Variants in PTK2 observed in about 807,000 individuals in gnomAD.
PTK2 encodes protein tyrosine kinase 2, also known as focal adhesion kinase 1.
PTK2 carries 45 observed loss-of-function variants against 150.1 expected under a neutral mutation model. That is an observed-to-expected ratio of 0.30 (90% CI 0.24 to 0.38). The LOEUF is 0.38. Among genes scored for constraint, PTK2 ranks in the 10% least tolerant of loss-of-function variants. The probability of loss-of-function intolerance (pLI) is 1.00; values close to 1 mark genes in which losing one functional copy is unlikely to be tolerated. For synonymous variants in PTK2, 432 were observed against 449.2 expected, an observed-to-expected ratio of 0.96 and a Z score of 0.48; for missense variants, 919 against 1,307.3, an observed-to-expected ratio of 0.70 and a Z score of 4.58.
chr8:140,806,172 A>T (rs1464218410), intron 10 of PTK2, among the ~76,000 whole-genome samples: 1 of 152,206 alleles, frequency 6.6e-6, no homozygotes, highest in Non-Finnish European at 1.5e-5. Context: ...TCTAGAAACA[A>T]AGTCTGTTTA....
At chr8:140,888,105 C>A (rs193213069) in intron 3 of PTK2, among the ~76,000 whole-genome samples, 1 of 152,262 alleles carries the variant, frequency 6.6e-6, no homozygotes, top group African/African-American at 2.4e-5. Flanking sequence ...AAATCTAAAT[C>A]CTACAATCCC....
intron 1 of PTK2, among the ~76,000 whole-genome samples, chr8:140,931,718 T>A (rs2100171843): frequency 6.6e-6 from 1 of 152,058 alleles, no homozygotes; most frequent in Non-Finnish European, 1.5e-5. Context: ...GAGGATCACT[T>A]GAGCCCAGGA....
At chr8:140,932,594 C>A (rs940448278) in intron 1 of PTK2, among the ~76,000 whole-genome samples, 1 of 152,180 alleles carries the variant, frequency 6.6e-6, no homozygotes, top group Admixed American at 6.5e-5. Context: ...GTAATTTTTA[C>A]ACTGGACCAG....
At chr8:140,674,350 C>T in exon 29 of PTK2, 1 of 1,607,962 alleles carries the variant, frequency 6.2e-7, no homozygotes, top group Non-Finnish European at 8.5e-7. Context: ...GGCAAGGCTT[C>T]CCAGATGACC....
At chr8:140,832,259 T>C (rs775281637) in intron 7 of PTK2, among the ~76,000 whole-genome samples, 13 of 152,168 alleles carry the variant, frequency 8.5e-5, no homozygotes. Context: ...CTCACCATGT[T>C]GGCCAGGCTG....
intron 3 of PTK2, among the ~76,000 whole-genome samples, chr8:140,883,455 T>A (rs931813454): frequency 6.6e-6 from 1 of 152,196 alleles, no homozygotes; most frequent in Non-Finnish European, 1.5e-5. Context: ...GCAACACACA[T>A]TGTTGACACT....
chr8:140,684,715 C>A (rs913114999), intron 27 of PTK2, among the ~76,000 whole-genome samples: 1 of 152,042 alleles, frequency 6.6e-6, no homozygotes, highest in Non-Finnish European at 1.5e-5. Context: ...AGAGATGACA[C>A]GAACAAATGG....
At chr8:140,924,293 T>A (rs2100168637) in intron 2 of PTK2, among the ~76,000 whole-genome samples, 1 of 152,194 alleles carries the variant, frequency 6.6e-6, no homozygotes, top group South Asian at 2.1e-4. Flanking sequence ...CCACCCTGTC[T>A]GAAACTGCAT....
At chr8:140,832,615 T>G (rs770454315) in intron 7 of PTK2, among the ~76,000 whole-genome samples, 2 of 152,084 alleles carry the variant, frequency 1.3e-5, no homozygotes, top group Non-Finnish European at 2.9e-5. Flanking sequence ...GAGGGAGGCA[T>G]GGCCTGACCT....
Position 140,789,543 on chromosome 8 carries a change from CA to C in PTK2, c.1125-18del, listed in dbSNP as rs2100087199. On this transcript the variant is annotated intron_variant, in intron 13 of 31. Transcript: ENST00000522684. ...TTGGCCAACCTGTGACAGACAAGAG[CA>C]AAGCTGTAAGCCCTGCAATTTCCCC... 1.2e-6 allele frequency: 2 copies of C among 1,611,544 alleles called. No individual in the cohort carries two copies. The highest frequency in any genetic ancestry group is 2.7e-5 in the African/African-American group (2 of 74,836).
chr8:140,937,115 A>C (rs2100173911), intron 1 of PTK2, among the ~76,000 whole-genome samples: 1 of 152,230 alleles, frequency 6.6e-6, no homozygotes, highest in Non-Finnish European at 1.5e-5. Flanking sequence ...TTAATGTAAT[A>C]CAGAAACATG....
chr8:140,814,515 A>G (rs935130333), intron 10 of PTK2, among the ~76,000 whole-genome samples: 3 of 152,238 alleles, frequency 2.0e-5, no homozygotes, highest in African/African-American at 7.2e-5. Flanking sequence ...ATGCAAATCA[A>G]TAAATGTGAT....
At chr8:140,890,280 A>C in intron 3 of PTK2, 1 of 369,982 alleles carries the variant, frequency 2.7e-6, no homozygotes, top group Non-Finnish European at 4.8e-6. Context: ...AAAAAAAAAA[A>C]ACCTAGAAGG....
chr8:140,956,323 G>C (rs2100181196), intron 1 of PTK2, among the ~76,000 whole-genome samples: 1 of 152,152 alleles, frequency 6.6e-6, no homozygotes, highest in Non-Finnish European at 1.5e-5. Flanking sequence ...AACACGGGAG[G>C]GTGGGGAAGC....
chr8:140,962,712 C>T (rs1037661199), intron 1 of PTK2, among the ~76,000 whole-genome samples: 1 of 151,572 alleles, frequency 6.6e-6, no homozygotes, highest in Non-Finnish European at 1.5e-5. Context: ...ATCGGGGAGG[C>T]GGAGCTTGCA....
At chr8:140,734,766 T>A (rs1313254949) in intron 22 of PTK2, 1 of 516,406 alleles carries the variant, frequency 1.9e-6, no homozygotes, top group Admixed American at 1.9e-5. Context: ...CTGAAGCAGG[T>A]AACATCTGAG....
At chr8:140,952,592 T>G (rs549662129) in intron 1 of PTK2, among the ~76,000 whole-genome samples, 1 of 152,272 alleles carries the variant, frequency 6.6e-6, no homozygotes, top group South Asian at 2.1e-4. Context: ...AGGCCCATAC[T>G]CCAAAAACAC....
rs984401465 is a variant in PTK2 at position 140,776,245 on chromosome 8, C to T, written c.1178-11955G>A. On this transcript the variant is annotated intron_variant, in intron 14 of 31. Transcript: ENST00000522684. ...CTGGAATTTCTGACCTCAGGTGATC[C>T]GCCCGCCTCGGCCTCTCAAAGAGCT... 3.3e-5 allele frequency among the ~76,000 whole-genome samples: 5 copies of T among 152,026 alleles called. No homozygotes were observed. In the South Asian group the frequency reaches 6.2e-4, roughly 19 times the overall value.
intron 13 of PTK2, 40 bp from the exon 14 acceptor site, chr8:140,789,566 C>T (rs755820405): frequency 1.4e-4 from 216 of 1,594,170 alleles, no homozygotes; most frequent in Non-Finnish European, 1.7e-4. Context: ...CCTGCAATTT[C>T]CCCAGGACCC....
Sources: gnomAD v4.1 joint callset for allele counts (sites outside exome capture counted in the v4.1 genomes callset) on GRCh38, gnomAD v4.1.1 for gene constraint, MANE v1.5 for transcripts, NCBI Gene and HGNC (gene_info 2026-07-23, HGNC 2026-07-21) for gene names.